The following KLHL5 variants were observed in gnomAD, a reference collection of about 807,000 sequenced individuals.
The protein encoded by KLHL5 is kelch-like protein 5.
KLHL5 carries 48 observed loss-of-function variants against 77.7 expected under a neutral mutation model. That is an observed-to-expected ratio of 0.62 (90% CI 0.49 to 0.79). The LOEUF (loss-of-function observed/expected upper bound fraction) is 0.79, where lower values mean the gene tolerates loss of function less well. Ranked by LOEUF, KLHL5 falls within the 30% of genes least tolerant of loss-of-function variation. The probability of loss-of-function intolerance (pLI) is 0.00; values close to 1 mark genes in which losing one functional copy is unlikely to be tolerated. For missense variants in KLHL5, 723 were observed against 859.7 expected (o/e 0.84, Z 1.99); for synonymous variants, 260 against 297.0 (o/e 0.88, Z 1.28).
chr4:39,117,029 G>A (rs2109598506), intron 10 of KLHL5, among the ~76,000 whole-genome samples: 1 of 152,228 alleles, frequency 6.6e-6, no homozygotes, highest in East Asian at 1.9e-4. Flanking sequence ...TAGAGACGGG[G>A]TTTTGTCATG....
intron 1 of KLHL5, among the ~76,000 whole-genome samples, chr4:39,071,766 C>G (rs1718499719): frequency 6.6e-6 from 1 of 152,146 alleles, no homozygotes; most frequent in Non-Finnish European, 1.5e-5. Context: ...ATTTTTCTGA[C>G]TTTAAAATTC....
At chr4:39,133,281 C>A in the KLHL5 span, among the ~76,000 whole-genome samples, 1 of 152,054 alleles carries the variant, frequency 6.6e-6, no homozygotes, top group South Asian at 2.1e-4. Context: ...CAACTAATTA[C>A]ATTGTGCTTT....
Position 39,062,703 on chromosome 4 carries a change from A to T in KLHL5, c.51A>T (p.Arg17Ser), listed in dbSNP as rs1464735574. 2 of 1,614,142 alleles carry T rather than the reference A, an allele frequency of 1.2e-6. No individual in the cohort carries two copies. The highest frequency in any genetic ancestry group is 2.2e-5 in the East Asian group (1 of 44,880). The change falls in exon 1 of 11, where the codon AGA becomes AGT. Residue 17 changes from arginine (R) to serine (S), a missense_variant. This residue lies in a region of KLHL5 where 221 missense variants were observed against 222.1 expected (regional missense o/e 1.00). Transcript: ENST00000504108. ...ATGTGAAACAGATTTTGAAAATCAG[A>T]TGGAGGTGGTTTGGTCATCAAGCAT... ...EFDVKQILKI[R>S]WRWFGHQASS...
chr4:39,067,369 C>T (rs1346868137), intron 1 of KLHL5, among the ~76,000 whole-genome samples: 1 of 152,080 alleles, frequency 6.6e-6, no homozygotes, highest in Non-Finnish European at 1.5e-5. Flanking sequence ...ATTTTTTTCA[C>T]ATCATATCAA....
chr4:39,108,620 T>C (rs1262180950), intron 8 of KLHL5, among the ~76,000 whole-genome samples: 1 of 152,164 alleles, frequency 6.6e-6, no homozygotes, highest in Non-Finnish European at 1.5e-5. Context: ...GGAAATCACT[T>C]TTTAGATGTT....
chr4:39,126,983 G>A (rs184114976), downstream of KLHL5: 272 of 319,808 alleles, frequency 8.5e-4, 2 homozygotes, highest in Admixed American at 0.011. Flanking sequence ...CCTGTGTAAC[G>A]AATGTGGTCA....
chr4:39,133,112 C>T, the KLHL5 span, among the ~76,000 whole-genome samples: 1 of 150,668 alleles, frequency 6.6e-6, no homozygotes, highest in Admixed American at 6.6e-5. Flanking sequence ...AAATTATTCT[C>T]TCTTGTTAGT....
At chr4:39,091,653 C>T (rs539203685) in intron 5 of KLHL5, among the ~76,000 whole-genome samples, 1 of 151,220 alleles carries the variant, frequency 6.6e-6, no homozygotes, top group East Asian at 1.9e-4. Flanking sequence ...TTTTAGTTTA[C>T]AAGGTCTTGA....
At chr4:39,077,705 AAAAAC>A (rs1406077740) in intron 2 of KLHL5, among the ~76,000 whole-genome samples, 1 of 150,464 alleles carries the variant, frequency 6.6e-6, no homozygotes, top group Non-Finnish European at 1.5e-5. Context: ...AAAAAAAAAA[AAAAAC>A]AAAAAACAAA....
At position 39,122,649 on chromosome 4, in the gene KLHL5, A is replaced by C. The variant is rs1723279287; in HGVS notation, c.*1583A>C. ...TGAAACCCCGTCTCTACTAAAAATA[A>C]AAAATAAAAAAAAATTAGCCAGGCG... On this transcript the variant is annotated 3_prime_UTR_variant, in exon 11 of 11. Transcript: ENST00000504108. Among the ~76,000 whole-genome samples the C allele has an allele frequency of 6.6e-6, 1 of 151,844 alleles. No homozygotes were observed. The highest frequency in any genetic ancestry group is 1.5e-5 in the Non-Finnish European group (1 of 67,972).
chr4:39,139,347 T>C, the KLHL5 span, among the ~76,000 whole-genome samples: 56 of 150,068 alleles, frequency 3.7e-4, no homozygotes, highest in African/African-American at 1.3e-3. Flanking sequence ...TTGCCTAAAC[T>C]ATGGAGACAG....
intron 5 of KLHL5, 84 bp downstream of exon 5, chr4:39,086,811 G>T (rs572147791): frequency 2.0e-6 from 2 of 1,000,286 alleles, no homozygotes; most frequent in South Asian, 1.5e-5. Context: ...CCTATGAAAC[G>T]TGTAGGTGAA....
downstream of KLHL5, among the ~76,000 whole-genome samples, chr4:39,128,688 C>T (rs140552763): frequency 0.012 from 1,783 of 152,262 alleles, 29 homozygotes; most frequent in African/African-American, 0.04. Flanking sequence ...GGATGCTAGA[C>T]GCAGTGGCTC....
intron 1 of KLHL5, among the ~76,000 whole-genome samples, chr4:39,051,311 A>G (rs1233972355): frequency 6.6e-6 from 1 of 152,006 alleles, no homozygotes; most frequent in African/African-American, 2.4e-5. Flanking sequence ...TCACCTCATC[A>G]GTGGCCGAAG....
rs1717547998 is a variant in KLHL5, at chr4:39,062,766, A to C, written c.114A>C (p.Glu38Asp). 3 of 1,614,160 alleles carry C rather than the reference A, an allele frequency of 1.9e-6. No individual in the cohort carries two copies. Among genetic ancestry groups the C allele is most frequent in the East Asian group, 2.2e-5 (1 of 44,880 alleles). Residue 38 changes from glutamate to aspartate, a missense_variant, in exon 1 of 11, where the codon GAA becomes GAC. Glu to Asp is a conservative substitution (Grantham distance 45, BLOSUM62 2). This residue lies in a region of KLHL5 where 221 missense variants were observed against 222.1 expected (regional missense o/e 1.00). Transcript: ENST00000504108. ...CTACAGTTGACAGCCAGCAGGGAGA[A>C]TTTTGGAACCGAGGACAGACTGGAG... ...PNSTVDSQQG[E>D]FWNRGQTGAN...
intron 1 of KLHL5, among the ~76,000 whole-genome samples, chr4:39,048,864 C>T (rs571757910): frequency 2.6e-5 from 4 of 151,978 alleles, no homozygotes; most frequent in South Asian, 2.1e-4. Context: ...GCCTGATCTC[C>T]AACTCCTGAC....
At chr4:39,115,417 A>G in intron 10 of KLHL5, 87 bp downstream of exon 10, 1 of 1,570,498 alleles carries the variant, frequency 6.4e-7, no homozygotes, top group South Asian at 1.2e-5. Flanking sequence ...AATCTTGTCC[A>G]ATACTGAAAT....
At chr4:39,089,090 G>A (rs1720298216) in intron 5 of KLHL5, among the ~76,000 whole-genome samples, 1 of 152,152 alleles carries the variant, frequency 6.6e-6, no homozygotes, top group Non-Finnish European at 1.5e-5. Context: ...GTGGAGAATG[G>A]ATCTGAGGGG....
chr4:39,129,753 TG>T (rs974409904), downstream of KLHL5, among the ~76,000 whole-genome samples: 9 of 152,224 alleles, frequency 5.9e-5, no homozygotes, highest in African/African-American at 2.2e-4. This position sits in a 1 kb window ranked among gnomAD's most constrained non-coding sequence, Gnocchi z 4.2. Flanking sequence ...ACTCAATATT[TG>T]GGTTGTGGAG....
Sources: allele counts gnomAD v4.1 joint callset (sites outside exome capture counted in the v4.1 genomes callset), GRCh38; gene constraint gnomAD v4.1.1; regional missense constraint gnomAD v4.1.1; non-coding constraint Gnocchi (gnomAD v3.1); transcripts MANE v1.5; gene names NCBI Gene and HGNC (gene_info 2026-07-23, HGNC 2026-07-21).